FRYL: variants seen among roughly 807,000 people sequenced by gnomAD.
The protein encoded by FRYL is FRY like transcription coactivator.
In FRYL, 150 loss-of-function variants were observed where a neutral mutation model predicts 351.2. The observed-to-expected ratio is 0.43, with a 90% CI of 0.37 to 0.49. The LOEUF (loss-of-function observed/expected upper bound fraction) is 0.49, where lower values mean the gene tolerates loss of function less well. FRYL is among the 20% of genes least tolerant of loss of function. FRYL has a pLI of 0.00. For missense variants in FRYL, 3,036 were observed against 3,619.3 expected (o/e 0.84, Z 4.13); for synonymous variants, 1,153 against 1,257.1 (o/e 0.92, Z 1.75).
At chr4:48,693,282 G>C (rs1034031992) in intron 2 of FRYL, among the ~76,000 whole-genome samples, 11 of 151,944 alleles carry the variant, frequency 7.2e-5, no homozygotes, top group African/African-American at 2.7e-4. Flanking sequence ...TCTTCAAAAA[G>C]GTTTTTAAGA....
At position 48,614,832 on chromosome 4, in the gene FRYL, T is replaced by C. The variant is rs1450972153; in HGVS notation, c.411+4442A>G. ...GTTTAATGCTTTTTTTTTTTTTTTT[T>C]TTTTTTTTTTTTGAGACGGAGTCTC... On this transcript the variant is annotated intron_variant, in intron 7 of 63. Transcript: ENST00000358350. Among the ~76,000 whole-genome samples the C allele has an allele frequency of 3.9e-5, 5 of 128,700 alleles. No individual in the cohort carries two copies. The East Asian group carries it at 1.1e-3, about 29-fold the overall frequency. 84.4% of individuals were successfully genotyped at this position (128,700 alleles called of 152,430 possible). A position where few individuals can be genotyped will look rare whatever the true frequency, so the allele number is the denominator to read the frequency against.
intron 1 of FRYL, among the ~76,000 whole-genome samples, chr4:48,733,002 G>A (rs1770907173): frequency 6.6e-6 from 1 of 151,916 alleles, no homozygotes; most frequent in South Asian, 2.1e-4. Context: ...AAGGCCGGGT[G>A]TGGTGGCTCA....
intron 1 of FRYL, among the ~76,000 whole-genome samples, chr4:48,759,987 A>G (rs1192566334): frequency 6.6e-6 from 1 of 152,216 alleles, no homozygotes; most frequent in Non-Finnish European, 1.5e-5. Context: ...TGTTATGTGC[A>G]TCCTTTACAT....
intron 16 of FRYL, 34 bp downstream of exon 16, chr4:48,593,896 A>G: frequency 9.8e-7 from 1 of 1,018,802 alleles, no homozygotes; most frequent in Non-Finnish European, 1.4e-6. Flanking sequence ...AAAAAAATCT[A>G]GGATTTTATA....
At chr4:48,597,484 G>A (rs1211142021) in intron 13 of FRYL, among the ~76,000 whole-genome samples, 2 of 151,948 alleles carry the variant, frequency 1.3e-5, no homozygotes, top group South Asian at 2.1e-4. Context: ...TGCTGATTAC[G>A]GGGGAAGCTA....
intron 47 of FRYL, among the ~76,000 whole-genome samples, chr4:48,536,573 C>G (rs1728939555): frequency 6.6e-6 from 1 of 152,060 alleles, no homozygotes; most frequent in Admixed American, 6.6e-5. Context: ...TGTTTGTTCC[C>G]TGGGTTATTG....
chr4:48,525,083 T>C (rs1453298349), intron 53 of FRYL, among the ~76,000 whole-genome samples: 1 of 139,714 alleles, frequency 7.2e-6, no homozygotes, highest in African/African-American at 2.7e-5. Context: ...AAAAAAAGAA[T>C]GAAAAGGAAG....
chr4:48,704,994 AC>A lies in FRYL; in HGVS notation c.-204+5524del, dbSNP rs1767160756. 2.0e-5 allele frequency among the ~76,000 whole-genome samples: 3 copies of A among 150,542 alleles called. No homozygotes were observed. The South Asian group carries it at 6.3e-4, about 32-fold the overall frequency. On this transcript the variant is annotated intron_variant, in intron 2 of 63. Coordinates refer to ENST00000358350, the MANE Select transcript of FRYL (RefSeq NM_015030.2). ...AAATTAGCCAGGCATGGTAGCGCAC[AC>A]CTGTCATCCCAGCTACTCGGGTGGC... is the stretch of plus-strand genomic sequence containing the variant.
chr4:48,578,091 A>G (rs1740032648), intron 23 of FRYL, among the ~76,000 whole-genome samples: 2 of 151,988 alleles, frequency 1.3e-5, no homozygotes, highest in African/African-American at 4.8e-5. Flanking sequence ...CGGATATGCA[A>G]AAATTAAAAA....
chr4:48,647,402 TCA>T (rs1468177964), intron 3 of FRYL, among the ~76,000 whole-genome samples: 4 of 152,226 alleles, frequency 2.6e-5, no homozygotes, highest in African/African-American at 9.6e-5. Context: ...TTGCGTATTC[TCA>T]GTCACCTGGC....
At chr4:48,603,529 T>C in intron 11 of FRYL, 141 bp from the exon 12 acceptor site, 1 of 634,560 alleles carries the variant, frequency 1.6e-6, no homozygotes, top group Non-Finnish European at 2.8e-6. Context: ...ATGTGCCAAG[T>C]GACCAAATGT....
At chr4:48,609,715 C>T (rs1293462180) in intron 8 of FRYL, 29 bp downstream of exon 8, 6 of 1,176,950 alleles carry the variant, frequency 5.1e-6, no homozygotes, top group Non-Finnish European at 6.1e-6. Flanking sequence ...CAAAAAAAGG[C>T]AACAATCCCA....
At chr4:48,738,709 T>C (rs1487179315) in intron 1 of FRYL, among the ~76,000 whole-genome samples, 1 of 150,844 alleles carries the variant, frequency 6.6e-6, no homozygotes, top group African/African-American at 2.4e-5. Context: ...CTCGCTATGC[T>C]GCCCAGGCTA....
intron 16 of FRYL, among the ~76,000 whole-genome samples, chr4:48,592,082 T>TATA (rs888017807): frequency 3.5e-4 from 41 of 116,206 alleles, no homozygotes; most frequent in African/African-American, 1.7e-3. Context: ...AATAAAGCTC[T>TATA]TATATATATA....
chr4:48,689,012 C>T (rs1765436418), intron 2 of FRYL, among the ~76,000 whole-genome samples: 1 of 152,094 alleles, frequency 6.6e-6, no homozygotes, highest in South Asian at 2.1e-4. Flanking sequence ...TGGAAACATA[C>T]TACACTGACT....
chr4:48,561,452 A>G lies in FRYL; in HGVS notation c.3865+16T>C. On this transcript the variant is annotated intron_variant, in intron 33 of 63. Coordinates refer to ENST00000358350, the MANE Select transcript of FRYL (RefSeq NM_015030.2). Reference sequence around the variant, plus strand: ...GATTGACAAATAGAAACTACTAACCAGTTCATTGATCATACCTGAGAATAT... The same window carrying G: ...GATTGACAAATAGAAACTACTAACCGGTTCATTGATCATACCTGAGAATAT... The G allele has an allele frequency of 6.7e-7, 1 of 1,500,060 alleles. No individual in the cohort carries two copies. The highest frequency in any genetic ancestry group is 9.0e-7 in the Non-Finnish European group (1 of 1,114,810). 92.9% of individuals were successfully genotyped at this position (1,500,060 alleles called of 1,614,324 possible).
intron 2 of FRYL, among the ~76,000 whole-genome samples, chr4:48,694,989 T>C (rs936692813): frequency 6.6e-6 from 1 of 152,108 alleles, no homozygotes; most frequent in Non-Finnish European, 1.5e-5. Flanking sequence ...CTAAGCTTGG[T>C]AGGTAGAGGC....
chr4:48,680,163 A>T (rs1764388043), intron 3 of FRYL, among the ~76,000 whole-genome samples: 1 of 151,992 alleles, frequency 6.6e-6, no homozygotes, highest in Non-Finnish European at 1.5e-5. Context: ...AAACAGCTAT[A>T]ATACATATCA....
At chr4:48,566,241 C>T (rs147483662) in intron 28 of FRYL, among the ~76,000 whole-genome samples, 1 of 152,266 alleles carries the variant, frequency 6.6e-6, no homozygotes, top group Non-Finnish European at 1.5e-5. Flanking sequence ...CTGCTTTCTG[C>T]GGATGGCATC....
Sources: gnomAD v4.1 joint callset for allele counts (sites outside exome capture counted in the v4.1 genomes callset) on GRCh38, gnomAD v4.1.1 for gene constraint, MANE v1.5 for transcripts, NCBI Gene and HGNC (gene_info 2026-07-23, HGNC 2026-07-21) for gene names.